Variants in MAF observed in about 807,000 individuals in gnomAD.
MAF encodes MAF bZIP transcription factor.
MAF carries 10 observed loss-of-function variants against 22.0 expected under a neutral mutation model. That is an observed-to-expected ratio of 0.45 (90% CI 0.28 to 0.77). The LOEUF (loss-of-function observed/expected upper bound fraction) is 0.77, where lower values mean the gene tolerates loss of function less well. Ranked by LOEUF, MAF falls within the 30% of genes least tolerant of loss-of-function variation. The pLI is 0.12. For missense variants in MAF, 544 were observed against 548.4 expected (o/e 0.99, Z 0.08); for synonymous variants, 337 against 255.8 (o/e 1.32, Z -3.03).
At chr16:79,233,410 G>A in the MAF span, among the ~76,000 whole-genome samples, 6 of 151,958 alleles carry the variant, frequency 3.9e-5, no homozygotes, top group African/African-American at 4.8e-5. Context: ...TACACTGGAC[G>A]CTAAGTGATA....
At chr16:79,531,650 T>C in the MAF span, among the ~76,000 whole-genome samples, 1 of 151,952 alleles carries the variant, frequency 6.6e-6, no homozygotes, top group Non-Finnish European at 1.5e-5. Flanking sequence ...ACAGTAGAGT[T>C]TGTACTCCTA....
the MAF span, among the ~76,000 whole-genome samples, chr16:79,449,739 C>T: frequency 1.3e-5 from 2 of 152,104 alleles, no homozygotes; most frequent in African/African-American, 4.8e-5. Flanking sequence ...AAATAGCAGT[C>T]GTTTCACCAG....
the MAF span, among the ~76,000 whole-genome samples, chr16:79,309,352 G>C: frequency 6.6e-6 from 1 of 152,106 alleles, no homozygotes; most frequent in Non-Finnish European, 1.5e-5. Context: ...CCATTTTGTC[G>C]GGTTTGCAGT....
At chr16:79,511,250 AAAAAAG>A in the MAF span, among the ~76,000 whole-genome samples, 1 of 152,110 alleles carries the variant, frequency 6.6e-6, no homozygotes, top group African/African-American at 2.4e-5. Context: ...CCTTTTCAAA[AAAAAAG>A]AAAAGAAAAG....
At chr16:79,226,434 G>A in the MAF span, among the ~76,000 whole-genome samples, 2 of 152,010 alleles carry the variant, frequency 1.3e-5, no homozygotes, top group African/African-American at 2.4e-5. Context: ...TGTAGATGAC[G>A]GGTTGATGGG....
the MAF span, among the ~76,000 whole-genome samples, chr16:79,456,902 A>G: frequency 1.3e-5 from 2 of 151,952 alleles, no homozygotes; most frequent in East Asian, 1.9e-4. Flanking sequence ...CATTAAATAC[A>G]TTTGTTTATT....
the MAF span, among the ~76,000 whole-genome samples, chr16:79,523,274 C>A: frequency 1.3e-5 from 2 of 152,290 alleles, no homozygotes; most frequent in Non-Finnish European, 2.9e-5. Context: ...GAGGGCATAT[C>A]CTTCTGTAAC....
chr16:79,469,309 G>T, the MAF span, among the ~76,000 whole-genome samples: 1 of 152,190 alleles, frequency 6.6e-6, no homozygotes, highest in Non-Finnish European at 1.5e-5. Context: ...TCCCTTTACA[G>T]AAAAAGTTTG....
At chr16:79,490,429 G>A in the MAF span, among the ~76,000 whole-genome samples, 1 of 152,186 alleles carries the variant, frequency 6.6e-6, no homozygotes, top group Non-Finnish European at 1.5e-5. Context: ...TCCTCTGCCT[G>A]AAAGCACTAG....
At chr16:79,363,571 G>A in the MAF span, among the ~76,000 whole-genome samples, 1 of 152,206 alleles carries the variant, frequency 6.6e-6, no homozygotes, top group Non-Finnish European at 1.5e-5. Context: ...TACTGAATGT[G>A]TATTGCTTTC....
At chr16:79,435,667 G>T in the MAF span, among the ~76,000 whole-genome samples, 1 of 152,090 alleles carries the variant, frequency 6.6e-6, no homozygotes, top group African/African-American at 2.4e-5. Context: ...GCATTTCTAT[G>T]TTCTCCCCAA....
the MAF span, among the ~76,000 whole-genome samples, chr16:79,266,611 A>G: frequency 1.3e-5 from 2 of 152,224 alleles, no homozygotes; most frequent in Non-Finnish European, 2.9e-5. Flanking sequence ...CTGATGCTGC[A>G]CTTTTATTAC....
At chr16:79,235,577 G>T in the MAF span, among the ~76,000 whole-genome samples, 1 of 151,712 alleles carries the variant, frequency 6.6e-6, no homozygotes, top group Non-Finnish European at 1.5e-5. Flanking sequence ...ATTGAAAGCC[G>T]CAGAAGCAGC....
At chr16:79,550,742 A>T in the MAF span, among the ~76,000 whole-genome samples, 13 of 151,790 alleles carry the variant, frequency 8.6e-5, no homozygotes, top group South Asian at 2.5e-3. Context: ...GCACCATCTA[A>T]TCTGTGGCTA....
the MAF span, among the ~76,000 whole-genome samples, chr16:79,404,409 G>A: frequency 3.9e-4 from 59 of 152,146 alleles, no homozygotes; most frequent in African/African-American, 1.3e-3. Context: ...TGATCTGCCC[G>A]CCTTGGCCTC....
At chr16:79,271,132 T>A in the MAF span, among the ~76,000 whole-genome samples, 104 of 151,112 alleles carry the variant, frequency 6.9e-4, 1 homozygote, top group African/African-American at 2.5e-3. Flanking sequence ...GCCAGGCTGG[T>A]CTTGAACTCC....
At chr16:79,378,253 C>A in the MAF span, among the ~76,000 whole-genome samples, 1 of 152,074 alleles carries the variant, frequency 6.6e-6, no homozygotes, top group Non-Finnish European at 1.5e-5. Flanking sequence ...ATCAAGCGTA[C>A]AATGCTATAA....
chr16:79,515,955 C>CTTTTT, the MAF span: 1 of 94,102 alleles, frequency 1.1e-5, no homozygotes, highest in East Asian at 3.6e-4. Flanking sequence ...AAAATTAAGC[C>CTTTTT]TTTTTTTTTT....
At chr16:79,557,006 CA>C in the MAF span, among the ~76,000 whole-genome samples, 185 of 149,820 alleles carry the variant, frequency 1.2e-3, 2 homozygotes, top group Non-Finnish European at 2.0e-3. Flanking sequence ...AATCAAGAGA[CA>C]GGGGCTTGCT....
Sources: gnomAD v4.1 joint callset for allele counts (sites outside exome capture counted in the v4.1 genomes callset) on GRCh38, gnomAD v4.1.1 for gene constraint, MANE v1.5 for transcripts, NCBI Gene and HGNC (gene_info 2026-07-23, HGNC 2026-07-21) for gene names.